WWOX: variants seen among roughly 807,000 people sequenced by gnomAD.
The protein encoded by WWOX is WW domain containing oxidoreductase.
Under a neutral mutation model 46.2 loss-of-function variants are expected in WWOX, and 69 were observed. That is an observed-to-expected ratio of 1.49 (90% confidence interval 1.23 to 1.82). The LOEUF is 1.82. Among genes scored for constraint, WWOX ranks in the 40% most tolerant of loss-of-function variants. The pLI, the probability that WWOX is intolerant of heterozygous loss-of-function variation, is 0.00. For missense variants in WWOX, 919 were observed against 542.6 expected, an observed-to-expected ratio of 1.69 and a Z score of -6.89; for synonymous variants, 359 against 202.6, an observed-to-expected ratio of 1.77 and a Z score of -6.56.
chr16:78,452,634 C>T (rs1218999439), intron 8 of WWOX, among the ~76,000 whole-genome samples: 1 of 151,604 alleles, frequency 6.6e-6, no homozygotes, highest in African/African-American at 2.4e-5. Context: ...CACTACCACA[C>T]CTGGCTAATT....
At chr16:78,114,668 A>C (rs961716879) in intron 3 of WWOX, among the ~76,000 whole-genome samples, 1 of 148,916 alleles carries the variant, frequency 6.7e-6, no homozygotes, top group East Asian at 1.9e-4. Context: ...CATGAATTAC[A>C]TAAAAGCCCA....
At chr16:78,427,726 G>A (rs764019576) in intron 7 of WWOX, among the ~76,000 whole-genome samples, 13 of 152,038 alleles carry the variant, frequency 8.6e-5, no homozygotes, top group African/African-American at 2.4e-4. Flanking sequence ...TGCGGTAAGC[G>A]TTGATCATGC....
intron 8 of WWOX, among the ~76,000 whole-genome samples, chr16:78,561,285 G>A (rs1346501102): frequency 1.3e-5 from 2 of 152,082 alleles, no homozygotes; most frequent in Admixed American, 6.6e-5. Context: ...TGACTTTGAT[G>A]TCTAGGTCTG....
At chr16:78,544,690 G>A (rs1282812300) in intron 8 of WWOX, among the ~76,000 whole-genome samples, 2 of 151,090 alleles carry the variant, frequency 1.3e-5, no homozygotes, top group Non-Finnish European at 3.0e-5. Context: ...CTGGGCAACA[G>A]AGCCAGACCA....
intron 8 of WWOX, among the ~76,000 whole-genome samples, chr16:78,599,761 C>T (rs2045576754): frequency 6.6e-6 from 1 of 152,030 alleles, no homozygotes; most frequent in African/African-American, 2.4e-5. Flanking sequence ...CCCCGGGAGA[C>T]TGGGGGTGCT....
intron 6 of WWOX, among the ~76,000 whole-genome samples, chr16:78,397,590 C>G (rs931670889): frequency 1.3e-5 from 2 of 152,202 alleles, no homozygotes; most frequent in Non-Finnish European, 2.9e-5. Context: ...AAAGATCTGT[C>G]TCATTTGGGA....
chr16:79,129,949 C>T (rs1369834076), intron 8 of WWOX, among the ~76,000 whole-genome samples: 3 of 152,156 alleles, frequency 2.0e-5, no homozygotes, highest in South Asian at 4.1e-4. Flanking sequence ...TACCACTTTG[C>T]CACTTTAAGT....
intron 8 of WWOX, among the ~76,000 whole-genome samples, chr16:78,475,933 C>G (rs1267841118): frequency 2.6e-5 from 4 of 152,136 alleles, no homozygotes; most frequent in Non-Finnish European, 5.9e-5. Context: ...GAATGTGTCT[C>G]TTATTAATTT....
intron 5 of WWOX, among the ~76,000 whole-genome samples, chr16:78,181,973 A>G (rs2035545049): frequency 6.6e-6 from 1 of 152,170 alleles, no homozygotes; most frequent in African/African-American, 2.4e-5. Context: ...CCTTTTCCGC[A>G]CCAGGCTCCA....
intron 8 of WWOX, among the ~76,000 whole-genome samples, chr16:78,995,828 G>C (rs549863752): frequency 2.6e-5 from 4 of 152,312 alleles, no homozygotes; most frequent in Non-Finnish European, 5.9e-5. Context: ...GGAGACCCGA[G>C]GTGGCCTGAA....
intron 8 of WWOX, among the ~76,000 whole-genome samples, chr16:78,717,104 C>T (rs76259476): frequency 0.039 from 5,911 of 152,180 alleles, 375 homozygotes; most frequent in African/African-American, 0.14. Flanking sequence ...GTGATTATTC[C>T]AAGAGATGGC....
intron 8 of WWOX, among the ~76,000 whole-genome samples, chr16:78,803,428 A>G (rs1291604233): frequency 1.3e-5 from 2 of 152,206 alleles, no homozygotes; most frequent in Non-Finnish European, 1.5e-5. Context: ...GCAGAAAAGT[A>G]TTACGTGGGT....
At chr16:78,152,385 T>G (rs1337558765) in intron 4 of WWOX, among the ~76,000 whole-genome samples, 1 of 111,022 alleles carries the variant, frequency 9.0e-6, no homozygotes, top group Non-Finnish European at 2.3e-5. Flanking sequence ...CTCCCACATA[T>G]TTGCAAGTCT....
intron 5 of WWOX, among the ~76,000 whole-genome samples, chr16:78,381,386 A>T (rs1355147048): frequency 6.6e-6 from 1 of 152,198 alleles, no homozygotes; most frequent in South Asian, 2.1e-4. Flanking sequence ...TGTGCTACTG[A>T]TGAGTGCCAC....
chr16:78,651,742 A>C (rs2142144737), intron 8 of WWOX, among the ~76,000 whole-genome samples: 1 of 152,310 alleles, frequency 6.6e-6, no homozygotes, highest in South Asian at 2.1e-4. Context: ...CAAATCTTTG[A>C]TGAAGAACCT....
intron 5 of WWOX, chr16:78,238,338 C>T (rs960393620): frequency 6.6e-6 from 1 of 152,434 alleles, no homozygotes; most frequent in African/African-American, 2.4e-5. Flanking sequence ...CTCACTTCAT[C>T]ACCCAGGCTG....
rs1259772038 is a variant in WWOX at position 78,705,359 on chromosome 16, C to T, written c.1056+272607C>T. On this transcript the variant is annotated intron_variant, in intron 8 of 8. Transcript: ENST00000566780. ...CTATATGAAAAACAACACAAAACAA[C>T]ACATAAGAGAGTCAAAGGGACTTCT... is the stretch of plus-strand genomic sequence containing the variant. Among the ~76,000 whole-genome samples, 5 of 152,228 alleles carry T rather than the reference C, an allele frequency of 3.3e-5. No individual in the cohort carries two copies. The East Asian group carries it at 5.8e-4, about 18-fold the overall frequency.
chr16:78,393,381 G>A lies in WWOX; in HGVS notation c.605+6433G>A, dbSNP rs555601643. Among the ~76,000 whole-genome samples, 4 of 152,218 alleles carry A rather than the reference G, an allele frequency of 2.6e-5. No individual in the cohort carries two copies. The East Asian group carries it at 7.7e-4, about 29-fold the overall frequency. The stretch of plus-strand genomic sequence containing the variant: ...TTCTTCAAAAAATGGTTTATGGCTG[G>A]GCGCAATGGTTCATGCCTATAATCC... On this transcript the variant is annotated intron_variant, in intron 6 of 8. Transcript: ENST00000566780.
At chr16:78,231,293 G>T (rs528064554) in intron 5 of WWOX, among the ~76,000 whole-genome samples, 1 of 152,132 alleles carries the variant, frequency 6.6e-6, no homozygotes, top group Admixed American at 6.5e-5. Flanking sequence ...ATGTGGCTTC[G>T]GCATTTTCAC....
Sources: gnomAD v4.1 joint callset for allele counts (sites outside exome capture counted in the v4.1 genomes callset) on GRCh38, gnomAD v4.1.1 for gene constraint, MANE v1.5 for transcripts, NCBI Gene and HGNC (gene_info 2026-07-23, HGNC 2026-07-21) for gene names.